Variants in SEM1 observed in about 807,000 individuals in gnomAD.
The protein encoded by SEM1 is 26S proteasome complex subunit SEM1.
A neutral mutation model predicts 12.7 loss-of-function variants in SEM1; 3 were observed. The ratio of observed to expected loss-of-function variants is 0.24; its 90% CI spans 0.11 to 0.61. The LOEUF (loss-of-function observed/expected upper bound fraction) is 0.61, where lower values mean the gene tolerates loss of function less well. Among genes scored for constraint, SEM1 ranks in the 20% least tolerant of loss-of-function variants. The pLI is 0.88. For missense variants in SEM1, 59 were observed against 81.3 expected, an observed-to-expected ratio of 0.73 and a Z score of 1.06; for synonymous variants, 30 against 27.8, an observed-to-expected ratio of 1.08 and a Z score of -0.25.
chr7:96,601,453 A>G (rs10240328), intron 2 of SEM1, among the ~76,000 whole-genome samples: 113,608 of 151,998 alleles, frequency 0.75, 43,655 homozygotes, highest in East Asian at 0.91. Context: ...TGTCAGCTCT[A>G]TAAACATGAG....
chr7:96,563,084 TG>T (rs1805739395), intron 2 of SEM1, among the ~76,000 whole-genome samples: 1 of 151,868 alleles, frequency 6.6e-6, no homozygotes, highest in Non-Finnish European at 1.5e-5. Context: ...CAGTCATGGG[TG>T]GGGGAAATGA....
chr7:96,529,628 T>A lies in SEM1; in HGVS notation c.171-22930A>T, dbSNP rs531968941. Among the ~76,000 whole-genome samples, 584 of 149,328 alleles carry A rather than the reference T, an allele frequency of 3.9e-3. 5 individuals are homozygous for A. Among genetic ancestry groups the A allele is most frequent in the African/African-American group, 0.013 (542 of 40,192 alleles). On this transcript the variant is annotated intron_variant and NMD_transcript_variant, in intron 2 of 3. Transcript: ENST00000466986. ...ACTGCAGCTCTTGATAAAAAAAAAA[T>A]TGTAGTTCTTGAAGAAGGGTTCTCA...
chr7:96,707,101 T>C (rs984634988), intron 1 of SEM1, among the ~76,000 whole-genome samples: 5 of 152,202 alleles, frequency 3.3e-5, no homozygotes, highest in African/African-American at 1.2e-4. Context: ...CTCTTAGGAA[T>C]CCTGGTAAAG....
At chr7:96,671,662 T>G (rs1344242367), downstream of SEM1, among the ~76,000 whole-genome samples, 2 of 152,184 alleles carry the variant, frequency 1.3e-5, no homozygotes, top group Non-Finnish European at 2.9e-5. Flanking sequence ...TTACAGTTAA[T>G]GAACATATAA....
At chr7:96,492,843 T>C (rs1234116109) in intron 1 of SEM1, among the ~76,000 whole-genome samples, 2 of 152,042 alleles carry the variant, frequency 1.3e-5, no homozygotes, top group African/African-American at 4.8e-5. Context: ...ACATTTTGGT[T>C]GTTTCCATCT....
At chr7:96,527,152 G>T (rs898650808) in intron 2 of SEM1, among the ~76,000 whole-genome samples, 11 of 152,058 alleles carry the variant, frequency 7.2e-5, no homozygotes, top group Non-Finnish European at 1.6e-4. Flanking sequence ...GGGAAGAGAG[G>T]GAAGGGAAAC....
chr7:96,559,529 C>G (rs1805628216), intron 2 of SEM1, among the ~76,000 whole-genome samples: 1 of 152,196 alleles, frequency 6.6e-6, no homozygotes, highest in Non-Finnish European at 1.5e-5. Context: ...GCGACCCACC[C>G]ACCCAAAGTG....
intron 2 of SEM1, among the ~76,000 whole-genome samples, chr7:96,597,050 CAT>C (rs1807019017): frequency 6.6e-6 from 1 of 152,082 alleles, no homozygotes; most frequent in Non-Finnish European, 1.5e-5. Context: ...GGGAAACTAA[CAT>C]AGAAATGGAC....
At chr7:96,548,501 T>C (rs1805169931) in intron 2 of SEM1, among the ~76,000 whole-genome samples, 2 of 152,176 alleles carry the variant, frequency 1.3e-5, no homozygotes, top group Admixed American at 6.6e-5. Flanking sequence ...GAAATCTATA[T>C]GTATACTAAA....
At position 96,541,431 on chromosome 7, in the gene SEM1, G is replaced by GGTTTTTTTTTTTTTT. The variant is rs1554412360; in HGVS notation, c.171-34734_171-34733insAAAAAAAAAAAAAAC. On this transcript the variant is annotated intron_variant and NMD_transcript_variant, in intron 2 of 3. Coordinates refer to the SEM1 transcript ENST00000466986. ...CATGTCTTTTCCCACTTTTTAATGG[G>GGTTTTTTTTTTTTTT]TTTTTTTTTTTGTTTTTTTTTTTTT... Among the ~76,000 whole-genome samples the GGTTTTTTTTTTTTTT allele has an allele frequency of 6.6e-5, 8 of 121,478 alleles. 1 individual carries two copies. The highest frequency in any genetic ancestry group is 1.1e-4 in the Non-Finnish European group (7 of 61,904). 79.7% of individuals were successfully genotyped at this position (121,478 alleles called of 152,430 possible).
intron 2 of SEM1, among the ~76,000 whole-genome samples, chr7:96,572,528 A>G (rs1035098152): frequency 6.6e-6 from 1 of 152,052 alleles, no homozygotes; most frequent in Non-Finnish European, 1.5e-5. Flanking sequence ...TTCTGCCTTC[A>G]TTTCATTATT....
chr7:96,692,901 T>A (rs1436562982), intron 2 of SEM1, among the ~76,000 whole-genome samples: 2 of 152,058 alleles, frequency 1.3e-5, no homozygotes, highest in Non-Finnish European at 2.9e-5. Context: ...GATAATTACA[T>A]CTCAGGGTAC....
At position 96,697,187 on chromosome 7, in the gene SEM1, C is replaced by T. The variant is rs1412464262; in HGVS notation, c.77-2296G>A. 2.0e-5 allele frequency: 3 copies of T among 149,320 alleles called. No individual in the cohort carries two copies. The South Asian group carries it at 6.3e-4, about 31-fold the overall frequency. 9.2% of individuals were successfully genotyped at this position (149,320 alleles called of 1,614,324 possible). Reference sequence around the variant, plus strand: ...GTACTGGTTTAAAAAAAAAAAAAAACCCTACATTTTAAAAAGTCAGAATTG... The same window carrying T: ...GTACTGGTTTAAAAAAAAAAAAAAATCCTACATTTTAAAAAGTCAGAATTG... On this transcript the variant is annotated intron_variant, in intron 1 of 2. Transcript: ENST00000248566.
chr7:96,651,032 A>G (rs1043315184), intron 2 of SEM1, among the ~76,000 whole-genome samples: 1 of 152,170 alleles, frequency 6.6e-6, no homozygotes, highest in Non-Finnish European at 1.5e-5. Flanking sequence ...AATAACAGCA[A>G]AGTCAGTAGT....
chr7:96,526,362 G>T (rs1804464369), intron 2 of SEM1, among the ~76,000 whole-genome samples: 1 of 151,882 alleles, frequency 6.6e-6, no homozygotes, highest in Non-Finnish European at 1.5e-5. Context: ...ACTTGGAGGT[G>T]AAATGAGTCC....
intron 2 of SEM1, among the ~76,000 whole-genome samples, chr7:96,660,592 T>G (rs901918243): frequency 6.6e-6 from 1 of 152,162 alleles, no homozygotes; most frequent in African/African-American, 2.4e-5. Flanking sequence ...AATGTGCATT[T>G]AGAAATTTTA....
intron 2 of SEM1, among the ~76,000 whole-genome samples, chr7:96,677,027 A>G (rs1789466874): frequency 6.6e-6 from 1 of 152,216 alleles, no homozygotes; most frequent in African/African-American, 2.4e-5. Flanking sequence ...AAAGCAAATC[A>G]GCCCTGTTTT....
chr7:96,486,749 A>C (rs1305071139), intron 1 of SEM1, among the ~76,000 whole-genome samples: 1 of 152,200 alleles, frequency 6.6e-6, no homozygotes, highest in Non-Finnish European at 1.5e-5. Flanking sequence ...AAAGCTGCAC[A>C]TGAGGCAACT....
At chr7:96,501,503 C>G (rs986649248) in intron 3 of SEM1, among the ~76,000 whole-genome samples, 1 of 151,966 alleles carries the variant, frequency 6.6e-6, no homozygotes, top group Admixed American at 6.6e-5. Context: ...GAAGATTGTT[C>G]CACAAAGTTA....
Sources: gnomAD v4.1 joint callset for allele counts (sites outside exome capture counted in the v4.1 genomes callset) on GRCh38, gnomAD v4.1.1 for gene constraint, MANE v1.5 for transcripts, NCBI Gene and HGNC (gene_info 2026-07-23, HGNC 2026-07-21) for gene names.